JAK1: variants seen among roughly 807,000 people sequenced by gnomAD.
The protein encoded by JAK1 is tyrosine-protein kinase JAK1.
JAK1 carries 16 observed loss-of-function variants against 136.6 expected under a neutral mutation model. The observed-to-expected ratio is 0.12, with a 90% CI of 0.08 to 0.18. The LOEUF (loss-of-function observed/expected upper bound fraction) is 0.18. Ranked by LOEUF, JAK1 falls within the 10% of genes least tolerant of loss-of-function variation. JAK1 has a pLI of 1.00. For synonymous variants in JAK1, 492 were observed against 519.5 expected (o/e 0.95, Z 0.72); for missense variants, 859 against 1,450.1 (o/e 0.59, Z 6.62).
At chr1:65,058,402 G>A (rs368230948) in intron 1 of JAK1, 80 of 534,030 alleles carry the variant, frequency 1.5e-4, no homozygotes, top group Non-Finnish European at 2.5e-4. Context: ...TCCTGGGTAC[G>A]GTGAGGCTCC....
At chr1:64,932,193 T>G in intron 1 of JAK1, among the ~76,000 whole-genome samples, 1 of 151,784 alleles carries the variant, frequency 6.6e-6, no homozygotes, top group Non-Finnish European at 1.5e-5. Context: ...GGTGGGGGGA[T>G]CACGAGTTCA....
intron 1 of JAK1, among the ~76,000 whole-genome samples, chr1:64,886,935 G>C (rs1199439064): frequency 6.6e-6 from 1 of 152,132 alleles, no homozygotes; most frequent in African/African-American, 2.4e-5. Flanking sequence ...TATCACCTCA[G>C]TTTTCTGTCT....
At chr1:65,024,251 T>C (rs1442604992) in intron 2 of JAK1, among the ~76,000 whole-genome samples, 1 of 152,172 alleles carries the variant, frequency 6.6e-6, no homozygotes, top group East Asian at 1.9e-4. Flanking sequence ...AATTTCTCCA[T>C]ATCCTTGCCA....
intron 2 of JAK1, among the ~76,000 whole-genome samples, chr1:65,029,115 G>A (rs1241825316): frequency 1.3e-5 from 2 of 150,612 alleles, no homozygotes; most frequent in Non-Finnish European, 3.0e-5. Context: ...TTTTTCTCCT[G>A]AGACAGGGTC....
chr1:65,054,731 C>A (rs1255917033), intron 1 of JAK1, among the ~76,000 whole-genome samples: 2 of 151,818 alleles, frequency 1.3e-5, no homozygotes, highest in Non-Finnish European at 2.9e-5. Flanking sequence ...CAGGTGACTT[C>A]TTGTCCACGC....
intron 1 of JAK1, among the ~76,000 whole-genome samples, chr1:64,897,115 A>C (rs2101424264): frequency 6.6e-6 from 1 of 152,164 alleles, no homozygotes; most frequent in East Asian, 1.9e-4. Flanking sequence ...CAAATAAGGG[A>C]AACATGAAGA....
At chr1:65,010,820 A>G (rs1646842729) in intron 2 of JAK1, among the ~76,000 whole-genome samples, 1 of 152,112 alleles carries the variant, frequency 6.6e-6, no homozygotes, top group Non-Finnish European at 1.5e-5. Flanking sequence ...AAAGTAGTAA[A>G]TAAACTAGCC....
intron 11 of JAK1, among the ~76,000 whole-genome samples, chr1:64,853,652 C>G (rs536036196): frequency 1.3e-5 from 2 of 152,290 alleles, no homozygotes; most frequent in East Asian, 3.9e-4. Flanking sequence ...CATCTCAAGT[C>G]TCAATTTCAT....
chr1:65,037,016 C>T (rs1647080691), intron 2 of JAK1, among the ~76,000 whole-genome samples: 1 of 152,116 alleles, frequency 6.6e-6, no homozygotes. Flanking sequence ...CAAGACCCCA[C>T]CTCTACAAAA....
At chr1:65,038,559 C>T (rs1039082134) in intron 2 of JAK1, among the ~76,000 whole-genome samples, 10 of 152,066 alleles carry the variant, frequency 6.6e-5, no homozygotes, top group Non-Finnish European at 1.3e-4. Flanking sequence ...TCAGTTTGCA[C>T]TGGGCCCCAC....
intron 1 of JAK1, among the ~76,000 whole-genome samples, chr1:64,946,321 T>G (rs1036265700): frequency 6.6e-6 from 1 of 152,182 alleles, no homozygotes; most frequent in Non-Finnish European, 1.5e-5. Context: ...TCTCATTTAA[T>G]AGTCTAATTA....
chr1:64,940,212 G>A (rs148840632), intron 1 of JAK1, among the ~76,000 whole-genome samples: 58 of 152,228 alleles, frequency 3.8e-4, no homozygotes, highest in South Asian at 6.2e-4. Context: ...CAAATACACC[G>A]TGTGTGTACA....
At chr1:65,064,953 T>G (rs949972921) in intron 1 of JAK1, among the ~76,000 whole-genome samples, 1 of 152,232 alleles carries the variant, frequency 6.6e-6, no homozygotes, top group Non-Finnish European at 1.5e-5. Flanking sequence ...TACCCAACTC[T>G]AGAGGAAAGC....
At chr1:65,055,292 G>C (rs771912456) in intron 1 of JAK1, among the ~76,000 whole-genome samples, 77 of 152,118 alleles carry the variant, frequency 5.1e-4, no homozygotes, top group Non-Finnish European at 9.4e-4. Context: ...ACTTAGCATG[G>C]TATCTTCAAG....
At chr1:64,892,428 A>G (rs1391146864) in intron 1 of JAK1, among the ~76,000 whole-genome samples, 1 of 152,064 alleles carries the variant, frequency 6.6e-6, no homozygotes, top group Non-Finnish European at 1.5e-5. Flanking sequence ...TAACAGGTGC[A>G]CACTACCACA....
At chr1:65,066,915 T>A (rs1279799396) in intron 1 of JAK1, 1 of 152,000 alleles carries the variant, frequency 6.6e-6, no homozygotes, top group African/African-American at 2.4e-5. Context: ...GCGCAACATT[T>A]ACACACACAC....
chr1:65,020,773 G>A (rs1405650227), intron 2 of JAK1, among the ~76,000 whole-genome samples: 1 of 152,170 alleles, frequency 6.6e-6, no homozygotes, highest in Non-Finnish European at 1.5e-5. Context: ...TTGGTAATTT[G>A]AGAAGAGTTT....
intron 1 of JAK1, among the ~76,000 whole-genome samples, chr1:65,054,087 G>C (rs1647415121): frequency 6.6e-6 from 1 of 152,090 alleles, no homozygotes; most frequent in South Asian, 2.1e-4. Flanking sequence ...ACTTTGTGAT[G>C]AAACAGATAC....
intron 2 of JAK1, among the ~76,000 whole-genome samples, chr1:64,977,321 G>A (rs1017121216): frequency 1.3e-5 from 2 of 151,920 alleles, no homozygotes; most frequent in African/African-American, 4.8e-5. Context: ...GCTAAATTTT[G>A]TTTCATTTTT....
Sources: allele counts gnomAD v4.1 joint callset (sites outside exome capture counted in the v4.1 genomes callset), GRCh38; gene constraint gnomAD v4.1.1; transcripts MANE v1.5; gene names NCBI Gene and HGNC (gene_info 2026-07-23, HGNC 2026-07-21).